The following ZCCHC7 variants were observed in gnomAD, a reference collection of about 807,000 sequenced individuals.
The protein encoded by ZCCHC7 is zinc finger CCHC-type containing 7.
ZCCHC7 carries 35 observed loss-of-function variants against 52.0 expected under a neutral mutation model. The ratio of observed to expected loss-of-function variants is 0.67; its 90% CI spans 0.51 to 0.89. The LOEUF is 0.89. Among genes scored for constraint, ZCCHC7 ranks in the 40% least tolerant of loss-of-function variants. The pLI is 0.00. For missense variants in ZCCHC7, 574 were observed against 649.1 expected, an observed-to-expected ratio of 0.88 and a Z score of 1.26; for synonymous variants, 217 against 221.5, an observed-to-expected ratio of 0.98 and a Z score of 0.18.
At chr9:37,134,851 G>T (rs569632260) in intron 2 of ZCCHC7, among the ~76,000 whole-genome samples, 2 of 152,158 alleles carry the variant, frequency 1.3e-5, no homozygotes, top group South Asian at 4.1e-4. Flanking sequence ...TCAGCCTCCC[G>T]AGTAGCTAGG....
intron 2 of ZCCHC7, among the ~76,000 whole-genome samples, chr9:37,193,858 C>A: frequency 6.6e-6 from 1 of 152,156 alleles, no homozygotes; most frequent in Non-Finnish European, 1.5e-5. Context: ...CAGTGCAAAT[C>A]CATCAGTCAC....
chr9:37,352,103 C>T (rs1357916389), intron 7 of ZCCHC7, among the ~76,000 whole-genome samples: 1 of 152,162 alleles, frequency 6.6e-6, no homozygotes, highest in Non-Finnish European at 1.5e-5. Flanking sequence ...TGTGGATAAT[C>T]AAAATATAAT....
At chr9:37,355,176 A>G (rs1030202146) in intron 8 of ZCCHC7, among the ~76,000 whole-genome samples, 1 of 151,822 alleles carries the variant, frequency 6.6e-6, no homozygotes, top group Admixed American at 6.6e-5. Context: ...GTATTTTTTT[A>G]TGGAAAGAAA....
In ZCCHC7 at chr9:37,289,447, C is replaced by CCT. The variant is rs149507619; in HGVS notation, c.611-12738_611-12737dup. Among the ~76,000 whole-genome samples the CCT allele has an allele frequency of 6.1e-3, 925 of 152,286 alleles. 49 individuals are homozygous for CCT. The East Asian group carries it at 0.15, about 24-fold the overall frequency. On this transcript the variant is annotated intron_variant, in intron 2 of 8. Transcript: ENST00000336755. ...TACAGGCATGAGTCACCACGCCTGG[C>CCT]CTCTTTTACTTTCATATCCAGTTCT...
At chr9:37,230,031 A>G (rs1319014342) in intron 2 of ZCCHC7, among the ~76,000 whole-genome samples, 1 of 152,166 alleles carries the variant, frequency 6.6e-6, no homozygotes, top group Non-Finnish European at 1.5e-5. Context: ...GCTGTCTTCC[A>G]CCTCCAAATC....
chr9:37,299,501 CTA>C (rs1374173964), intron 2 of ZCCHC7, among the ~76,000 whole-genome samples: 21 of 152,210 alleles, frequency 1.4e-4, no homozygotes, highest in Admixed American at 1.1e-3. Context: ...AGCCAGATTT[CTA>C]TCAAGTACCA....
chr9:37,189,292 C>T (rs564481429), intron 2 of ZCCHC7, among the ~76,000 whole-genome samples: 3 of 151,728 alleles, frequency 2.0e-5, no homozygotes, highest in Non-Finnish European at 4.4e-5. Context: ...TTTCCTGATT[C>T]TTCATTTGTC....
At chr9:37,238,808 C>T (rs1272653357) in intron 2 of ZCCHC7, among the ~76,000 whole-genome samples, 1 of 151,784 alleles carries the variant, frequency 6.6e-6, no homozygotes, top group Admixed American at 6.6e-5. Context: ...ATCACGATTG[C>T]AATGAAAATG....
intron 6 of ZCCHC7, among the ~76,000 whole-genome samples, chr9:37,340,252 G>T (rs1178207377): frequency 6.6e-6 from 1 of 152,100 alleles, no homozygotes; most frequent in Admixed American, 6.6e-5. Context: ...TATTTACTGA[G>T]TTTACTGGTG....
Position 37,288,051 on chromosome 9 carries a change from G to A in ZCCHC7, c.611-14137G>A, listed in dbSNP as rs1389294001. 2.6e-5 allele frequency among the ~76,000 whole-genome samples: 4 copies of A among 152,254 alleles called. No individual in the cohort carries two copies. In the East Asian group the frequency reaches 7.7e-4, roughly 29 times the overall value. On this transcript the variant is annotated intron_variant, in intron 2 of 8. Transcript: ENST00000336755. ...CCAAGCAGTTTGGAAGGCTGAGGTA[G>A]GTGGATGGCTTGAGCCCAAAAATTT...
intron 2 of ZCCHC7, among the ~76,000 whole-genome samples, chr9:37,194,699 G>A (rs1823197176): frequency 6.6e-6 from 1 of 152,130 alleles, no homozygotes. Context: ...AAATTATGCT[G>A]GAATTCGTTT....
Position 37,357,006 on chromosome 9 carries a change from G to T in ZCCHC7, c.1370G>T (p.Trp457Leu). The T allele has an allele frequency of 6.2e-7, 1 of 1,613,686 alleles. No individual in the cohort carries two copies. The highest frequency in any genetic ancestry group is 1.7e-5 in the Admixed American group (1 of 59,912). ...GAAATGAAGAACAAGAATAGAAACT[G>T]GGAGAAGCACAGGAAGGCTGACAGA... The part of the protein sequence containing the change: ...QKEMKNKNRN[W>L]EKHRKADRHR... The change falls in exon 9 of 9, where the codon TGG becomes TTG. Residue 457 changes from tryptophan (W) to leucine (L), a missense_variant. Physicochemically the swap from Trp to Leu is moderately conservative, Grantham distance 61. Coordinates refer to ENST00000336755, the MANE Select transcript of ZCCHC7 (RefSeq NM_032226.3).
At chr9:37,197,855 A>G (rs2133138518) in intron 2 of ZCCHC7, among the ~76,000 whole-genome samples, 1 of 152,338 alleles carries the variant, frequency 6.6e-6, no homozygotes, top group African/African-American at 2.4e-5. Flanking sequence ...CTGAAGTGAA[A>G]TTGTGGATAC....
intron 3 of ZCCHC7, among the ~76,000 whole-genome samples, chr9:37,303,108 T>C (rs949279932): frequency 6.6e-6 from 1 of 152,068 alleles, no homozygotes; most frequent in African/African-American, 2.4e-5. Context: ...CAGAAAAACA[T>C]GGTGTACATT....
intron 2 of ZCCHC7, among the ~76,000 whole-genome samples, chr9:37,184,294 A>G (rs1024197216): frequency 6.6e-6 from 1 of 151,548 alleles, no homozygotes; most frequent in African/African-American, 2.4e-5. Context: ...TCATCTGATG[A>G]TTCAGGGGCT....
At chr9:37,163,172 G>C (rs1821201500) in intron 2 of ZCCHC7, among the ~76,000 whole-genome samples, 1 of 151,878 alleles carries the variant, frequency 6.6e-6, no homozygotes, top group South Asian at 2.1e-4. Flanking sequence ...CTGCAGTTCA[G>C]CCTGGCAACA....
At chr9:37,244,249 A>G (rs74534725) in intron 2 of ZCCHC7, among the ~76,000 whole-genome samples, 16 of 143,342 alleles carry the variant, frequency 1.1e-4, no homozygotes, top group African/African-American at 3.3e-4. Context: ...TCGTTTAAAG[A>G]AAAAAAAAAA....
intron 2 of ZCCHC7, among the ~76,000 whole-genome samples, chr9:37,270,982 C>T (rs1317367999): frequency 6.6e-6 from 1 of 151,992 alleles, no homozygotes; most frequent in Non-Finnish European, 1.5e-5. Context: ...TGTTTGGTTA[C>T]CCGAATGAGG....
At chr9:37,123,362 A>G (rs1842408588) in intron 1 of ZCCHC7, among the ~76,000 whole-genome samples, 2 of 152,240 alleles carry the variant, frequency 1.3e-5, no homozygotes, top group Admixed American at 6.5e-5. Context: ...CCTGGCATAC[A>G]TAAACTACCT....
Sources: gnomAD v4.1 joint callset for allele counts (sites outside exome capture counted in the v4.1 genomes callset) on GRCh38, gnomAD v4.1.1 for gene constraint, MANE v1.5 for transcripts, NCBI Gene and HGNC (gene_info 2026-07-23, HGNC 2026-07-21) for gene names.